Variants in SAMMSON observed in about 807,000 individuals in gnomAD.
SAMMSON encodes survival associated mitochondrial melanoma specific oncogenic non-coding RNA, also known as long intergenic non-protein coding RNA 1212.
chr3:70,038,939 CG>C (rs1559778418), intron 3 of SAMMSON, among the ~76,000 whole-genome samples: 1 of 151,970 alleles, frequency 6.6e-6, no homozygotes, highest in Non-Finnish European at 1.5e-5. Flanking sequence ...GGAGCCAGTC[CG>C]GAGCTAACAG....
At chr3:70,349,949 G>T (rs1426619960) in intron 7 of SAMMSON, among the ~76,000 whole-genome samples, 1 of 152,074 alleles carries the variant, frequency 6.6e-6, no homozygotes, top group African/African-American at 2.4e-5. Flanking sequence ...GAACATGATT[G>T]TTGCACTGAG....
At chr3:70,340,048 T>A (rs1313865172) in intron 7 of SAMMSON, among the ~76,000 whole-genome samples, 2 of 152,014 alleles carry the variant, frequency 1.3e-5, no homozygotes, top group South Asian at 4.1e-4. Context: ...ATGTGGCACA[T>A]ATACACCATG....
chr3:70,226,028 G>A (rs1701503348), intron 4 of SAMMSON, among the ~76,000 whole-genome samples: 2 of 151,990 alleles, frequency 1.3e-5, no homozygotes, highest in Admixed American at 1.3e-4. Flanking sequence ...GAAGAATATG[G>A]TAGGCATTTT....
chr3:70,075,122 C>T (rs1186693700), intron 4 of SAMMSON: 5 of 151,972 alleles, frequency 3.3e-5, no homozygotes, highest in Admixed American at 3.3e-4. Flanking sequence ...AAGGAGTTTC[C>T]AGTCTGGGCA....
intron 2 of SAMMSON, among the ~76,000 whole-genome samples, chr3:70,418,073 G>T (rs1701280064): frequency 6.6e-6 from 1 of 152,130 alleles, no homozygotes; most frequent in South Asian, 2.1e-4. Context: ...CACATTATTG[G>T]ATCAATAATC....
intron 4 of SAMMSON, among the ~76,000 whole-genome samples, chr3:70,245,989 A>G (rs2106646067): frequency 6.6e-6 from 1 of 151,612 alleles, no homozygotes; most frequent in Non-Finnish European, 1.5e-5. Context: ...GAAATTGACA[A>G]CAGCCTACAT....
intron 4 of SAMMSON, among the ~76,000 whole-genome samples, chr3:70,172,005 CT>C (rs1700961396): frequency 6.6e-6 from 1 of 151,900 alleles, no homozygotes; most frequent in South Asian, 2.1e-4. Flanking sequence ...CATTTTGTCT[CT>C]GGAAAGTAAC....
chr3:70,402,508 A>G (rs541321236), intron 2 of SAMMSON, among the ~76,000 whole-genome samples: 6 of 152,358 alleles, frequency 3.9e-5, no homozygotes, highest in African/African-American at 1.2e-4. Context: ...TTTTAAAAAT[A>G]TATTTTAACA....
intron 7 of SAMMSON, among the ~76,000 whole-genome samples, chr3:70,318,040 GTTTTTTC>G (rs924061787): frequency 2.0e-4 from 31 of 151,504 alleles, no homozygotes; most frequent in Admixed American, 1.7e-3. Flanking sequence ...CTCTTTCACT[GTTTTTTC>G]TTTTTCTTTC....
chr3:70,170,290 G>A (rs983180222), intron 4 of SAMMSON, among the ~76,000 whole-genome samples: 1 of 151,726 alleles, frequency 6.6e-6, no homozygotes, highest in Non-Finnish European at 1.5e-5. Context: ...AATGAAACAG[G>A]TACTTTTGTC....
chr3:70,255,258 C>G (rs1015927076), intron 6 of SAMMSON, among the ~76,000 whole-genome samples: 1 of 152,092 alleles, frequency 6.6e-6, no homozygotes, highest in Non-Finnish European at 1.5e-5. Flanking sequence ...ACCAATGACA[C>G]ATAAATTTTT....
chr3:70,267,457 C>T (rs1050855833), intron 6 of SAMMSON, among the ~76,000 whole-genome samples: 17 of 121,822 alleles, frequency 1.4e-4, no homozygotes, highest in Admixed American at 1.3e-3. Context: ...GGCTGGTGTG[C>T]AGTGGCGCGA....
rs547412150 is a variant in SAMMSON at position 70,399,800 on chromosome 3, G to A, written n.233+41476G>A. ...AGCGGCAGGAGAATCACTTGAACCC[G>A]GGAGGCAGAGGTTGCAGTGAGCTGA... is the stretch of plus-strand genomic sequence containing the variant. On this transcript the variant is annotated intron_variant and non_coding_transcript_variant, in intron 2 of 3. Coordinates refer to the SAMMSON transcript ENST00000641053. Among the ~76,000 whole-genome samples the A allele has an allele frequency of 6.8e-4, 102 of 150,988 alleles. 1 individual carries two copies. The highest frequency in any genetic ancestry group is 6.8e-3 in the Middle Eastern group (2 of 294).
intron 7 of SAMMSON, among the ~76,000 whole-genome samples, chr3:70,317,349 A>G (rs1219072819): frequency 2.0e-5 from 3 of 151,962 alleles, no homozygotes; most frequent in African/African-American, 7.2e-5. Context: ...TTCCAACAAT[A>G]TATGTTCACT....
At chr3:70,334,047 G>A (rs1422140231) in intron 7 of SAMMSON, among the ~76,000 whole-genome samples, 1 of 152,186 alleles carries the variant, frequency 6.6e-6, no homozygotes, top group Non-Finnish European at 1.5e-5. Flanking sequence ...CATATGGAAG[G>A]TTGCCTGTGC....
At chr3:70,190,063 T>C (rs1183971516) in intron 4 of SAMMSON, among the ~76,000 whole-genome samples, 1 of 152,216 alleles carries the variant, frequency 6.6e-6, no homozygotes, top group East Asian at 1.9e-4. Flanking sequence ...AAATATACCT[T>C]GACTTTCCAC....
chr3:70,209,365 A>C (rs1262408675), intron 4 of SAMMSON, among the ~76,000 whole-genome samples: 3 of 152,064 alleles, frequency 2.0e-5, no homozygotes, highest in Non-Finnish European at 4.4e-5. Flanking sequence ...GTTGAAAAGC[A>C]CTGCTTTACA....
intron 4 of SAMMSON, among the ~76,000 whole-genome samples, chr3:70,132,771 A>G (rs1222643085): frequency 2.4e-5 from 2 of 83,732 alleles, no homozygotes; most frequent in African/African-American, 9.4e-5. Context: ...ATGAGACCCT[A>G]AAAAAAAAAA....
chr3:70,179,391 A>C (rs1701033292), intron 4 of SAMMSON, among the ~76,000 whole-genome samples: 1 of 152,190 alleles, frequency 6.6e-6, no homozygotes, highest in African/African-American at 2.4e-5. Context: ...ACAGAATCCT[A>C]CGTGGGACTG....
Sources: gnomAD v4.1 joint callset for allele counts (sites outside exome capture counted in the v4.1 genomes callset) on GRCh38, gnomAD v4.1.1 for gene constraint, MANE v1.5 for transcripts, NCBI Gene and HGNC (gene_info 2026-07-23, HGNC 2026-07-21) for gene names.